Variants in CNTN4 observed in about 807,000 individuals in gnomAD.
CNTN4 encodes contactin-4.
Under a neutral mutation model 122.5 loss-of-function variants are expected in CNTN4, and 77 were observed. The observed-to-expected ratio is 0.63, with a 90% CI of 0.52 to 0.76. The LOEUF is 0.76. Ranked by LOEUF, CNTN4 falls within the 30% of genes least tolerant of loss-of-function variation. The pLI is 0.00. For missense variants in CNTN4, 1,256 were observed against 1,259.1 expected, an observed-to-expected ratio of 1.00 and a Z score of 0.04; for synonymous variants, 512 against 447.0, an observed-to-expected ratio of 1.15 and a Z score of -1.83.
intron 5 of CNTN4, among the ~76,000 whole-genome samples, chr3:2,736,815 C>T (rs945087947): frequency 3.6e-5 from 5 of 138,628 alleles, no homozygotes; most frequent in Admixed American, 7.5e-5. Context: ...TATTTAGAGA[C>T]GGAGTCTCGC....
intron 3 of CNTN4, among the ~76,000 whole-genome samples, chr3:2,535,309 A>C (rs927181704): frequency 2.6e-5 from 4 of 152,124 alleles, no homozygotes; most frequent in South Asian, 2.1e-4. Context: ...TTCTGATGCA[A>C]GAGTTCTGCT....
At chr3:2,748,660 T>G (rs1233079371) in intron 6 of CNTN4, among the ~76,000 whole-genome samples, 1 of 152,186 alleles carries the variant, frequency 6.6e-6, no homozygotes, top group Non-Finnish European at 1.5e-5. Flanking sequence ...ATCCACGTGT[T>G]TTTAAAGTAG....
At position 3,030,839 on chromosome 3, in the gene CNTN4, TC is replaced by T. The variant is rs751038828; in HGVS notation, c.1663-12del. On this transcript the variant is annotated splice_polypyrimidine_tract_variant and intron_variant, in intron 15 of 24. Transcript: ENST00000418658. ...CATTAAAAAGTAATTGCAGCCACTTTCCCCTACTTTATCAGCAGGATTCAGC... is the reference window on the plus strand; with the variant it reads ...CATTAAAAAGTAATTGCAGCCACTTTCCCTACTTTATCAGCAGGATTCAGC... The T allele has an allele frequency of 6.2e-7, 1 of 1,613,688 alleles. No homozygotes were observed. Among genetic ancestry groups the T allele is most frequent in the South Asian group, 1.1e-5 (1 of 91,074 alleles).
Position 2,846,126 on chromosome 3 carries a change from G to T in CNTN4, c.455-20626G>T, listed in dbSNP as rs1295192950. 3.3e-5 allele frequency among the ~76,000 whole-genome samples: 5 copies of T among 152,178 alleles called. No homozygotes were observed. In the South Asian group the frequency reaches 1.0e-3, roughly 32 times the overall value. ...TGCTAATAAGATTTGGAGAAATCCT[G>T]TAGTAAAGAAATCTGCCCAGCATTT... On this transcript the variant is annotated intron_variant, in intron 7 of 24. Coordinates refer to ENST00000418658, the MANE Select transcript of CNTN4 (RefSeq NM_175607.3).
At chr3:2,809,891 T>C (rs1435401627) in intron 6 of CNTN4, among the ~76,000 whole-genome samples, 2 of 152,066 alleles carry the variant, frequency 1.3e-5, no homozygotes, top group East Asian at 1.9e-4. Context: ...AAATAGAGTA[T>C]GTCAAAGAAA....
At chr3:2,411,176 A>G (rs2047213702) in intron 3 of CNTN4, among the ~76,000 whole-genome samples, 1 of 152,178 alleles carries the variant, frequency 6.6e-6, no homozygotes, top group Non-Finnish European at 1.5e-5. Flanking sequence ...TATCGGGGTC[A>G]GGGGCAGGAT....
chr3:2,299,245 G>T (rs1041956103), intron 2 of CNTN4, among the ~76,000 whole-genome samples: 3 of 152,100 alleles, frequency 2.0e-5, no homozygotes, highest in Non-Finnish European at 2.9e-5. Context: ...ATAAAATTTG[G>T]ATTATTTGTG....
intron 2 of CNTN4, among the ~76,000 whole-genome samples, chr3:2,128,958 A>G (rs1387494472): frequency 6.6e-6 from 1 of 152,200 alleles, no homozygotes; most frequent in African/African-American, 2.4e-5. Flanking sequence ...CTGTAATATT[A>G]GATGTATCTT....
intron 2 of CNTN4, among the ~76,000 whole-genome samples, chr3:2,215,934 G>T (rs1349378266): frequency 7.5e-5 from 11 of 147,266 alleles, no homozygotes; most frequent in Admixed American, 6.1e-4. Context: ...CTACACTTTT[G>T]GTGGGAGTGT....
intron 2 of CNTN4, among the ~76,000 whole-genome samples, chr3:2,240,730 A>G (rs2039898508): frequency 6.6e-6 from 1 of 152,190 alleles, no homozygotes. Context: ...TTATTAAGAC[A>G]CTAACATCAT....
intron 3 of CNTN4, among the ~76,000 whole-genome samples, chr3:2,532,743 C>G (rs1475227657): frequency 6.6e-6 from 1 of 152,078 alleles, no homozygotes; most frequent in East Asian, 1.9e-4. Context: ...AAAAAAGTAA[C>G]TATAGCAGTC....
At chr3:2,838,491 T>C (rs1333379425) in intron 7 of CNTN4, among the ~76,000 whole-genome samples, 2 of 149,424 alleles carry the variant, frequency 1.3e-5, no homozygotes, top group Non-Finnish European at 3.0e-5. Context: ...ATGAGAGAAA[T>C]ATTGAAGTTT....
intron 14 of CNTN4, among the ~76,000 whole-genome samples, chr3:3,002,477 C>T (rs568958891): frequency 1.3e-5 from 2 of 152,212 alleles, no homozygotes; most frequent in African/African-American, 2.4e-5. Flanking sequence ...TAGTAGGTAA[C>T]ATCCTGAGTT....
chr3:2,315,536 T>G (rs949744462), intron 2 of CNTN4, among the ~76,000 whole-genome samples: 15 of 152,102 alleles, frequency 9.9e-5, no homozygotes, highest in Non-Finnish European at 1.9e-4. Context: ...TTATGCTTTT[T>G]GCTTTTTTCT....
chr3:2,816,199 A>C (rs2092723751), intron 6 of CNTN4, among the ~76,000 whole-genome samples: 1 of 148,662 alleles, frequency 6.7e-6, no homozygotes, highest in African/African-American at 2.6e-5. Context: ...CTAAAAATAC[A>C]AAAAATTAGC....
At chr3:2,506,690 C>G (rs1016987445) in intron 3 of CNTN4, among the ~76,000 whole-genome samples, 2 of 152,116 alleles carry the variant, frequency 1.3e-5, no homozygotes, top group African/African-American at 4.8e-5. Context: ...GATAGAGGAA[C>G]ATGCAAAATG....
chr3:2,963,965 A>G lies in CNTN4; in HGVS notation c.1359-24380A>G, dbSNP rs1249553320. Among the ~76,000 whole-genome samples the G allele has an allele frequency of 2.0e-5, 3 of 152,296 alleles. No individual in the cohort carries two copies. In the East Asian group the frequency reaches 5.8e-4, roughly 29 times the overall value. ...CAGAATAAATTGTCTTTTCCAATAG[A>G]GTTTAAGTTTCATGAAGGGAGCAAC... On this transcript the variant is annotated intron_variant, in intron 13 of 24. Transcript: ENST00000418658.
intron 7 of CNTN4, among the ~76,000 whole-genome samples, chr3:2,847,960 C>G (rs954068083): frequency 2.0e-5 from 3 of 152,168 alleles, no homozygotes; most frequent in African/African-American, 7.2e-5. Flanking sequence ...GGTATTGTAT[C>G]TAAAATACTA....
intron 2 of CNTN4, among the ~76,000 whole-genome samples, chr3:2,319,647 C>G (rs2043216267): frequency 6.6e-6 from 1 of 152,132 alleles, no homozygotes; most frequent in Non-Finnish European, 1.5e-5. Context: ...CTTTAGCTTA[C>G]TTTACTGTAA....
Sources: gnomAD v4.1 joint callset for allele counts (sites outside exome capture counted in the v4.1 genomes callset) on GRCh38, gnomAD v4.1.1 for gene constraint, MANE v1.5 for transcripts, NCBI Gene and HGNC (gene_info 2026-07-23, HGNC 2026-07-21) for gene names.